SLC36A4: variants seen among roughly 807,000 people sequenced by gnomAD.
SLC36A4 encodes solute carrier family 36 member 4.
Under a neutral mutation model 50.5 loss-of-function variants are expected in SLC36A4, and 49 were observed. That is an observed-to-expected ratio of 0.97 (90% CI 0.77 to 1.23). The LOEUF is 1.23. Ranked by LOEUF, SLC36A4 falls within the 50% of genes most tolerant of loss-of-function variation. The pLI is 0.00. For missense variants in SLC36A4, 611 were observed against 608.4 expected (o/e 1.00, Z -0.05); for synonymous variants, 207 against 206.5 (o/e 1.00, Z -0.02).
intron 1 of SLC36A4, 90 bp from the exon 2 acceptor site, chr11:93,185,904 C>A: frequency 8.9e-7 from 1 of 1,118,524 alleles, no homozygotes. Flanking sequence ...TAGGAAACAC[C>A]ATTTGTACTC....
At chr11:93,156,395 G>A (rs976735432) in intron 9 of SLC36A4, among the ~76,000 whole-genome samples, 3 of 151,616 alleles carry the variant, frequency 2.0e-5, no homozygotes, top group African/African-American at 7.3e-5. Flanking sequence ...TTTGAGAAGT[G>A]TCTGTTCACG....
At position 93,166,035 on chromosome 11, in the gene SLC36A4, AAAG is replaced by A. The variant is rs773932873; in HGVS notation, c.769-22_769-20del. The A allele has an allele frequency of 2.3e-5, 36 of 1,544,104 alleles. No individual in the cohort carries two copies. The African/African-American group carries it at 4.0e-4, about 17-fold the overall frequency. On this transcript the variant is annotated intron_variant, in intron 7 of 10. Coordinates refer to ENST00000326402, the MANE Select transcript of SLC36A4 (RefSeq NM_152313.4). ...GCATGTTCTAAAGAAAGGAAGAAAA[AAAG>A]AAGACCAGTTACATCTTTACTTATT...
rs376182669 is a variant in SLC36A4 at position 93,161,269 on chromosome 11, C to A, written c.1037+1437G>T. Among the ~76,000 whole-genome samples the A allele has an allele frequency of 2.5e-3, 374 of 152,090 alleles. 4 individuals carry two copies. The highest frequency in any genetic ancestry group is 8.6e-3 in the African/African-American group (359 of 41,506). On this transcript the variant is annotated intron_variant, in intron 9 of 10. Coordinates refer to ENST00000326402, the MANE Select transcript of SLC36A4 (RefSeq NM_152313.4). The stretch of plus-strand genomic sequence containing the variant: ...ATACTAAGCTGTTTAAGCTTGAAAC[C>A]AAAAAGCACATTTGAAGGCAATAAA...
At chr11:93,170,280 A>G (rs753414296) in intron 6 of SLC36A4, 2 of 152,088 alleles carry the variant, frequency 1.3e-5, no homozygotes, top group African/African-American at 4.8e-5. Flanking sequence ...TTGAGCTCAA[A>G]TTTACTAAAA....
chr11:93,160,765 A>G, intron 9 of SLC36A4: 2 of 972,032 alleles, frequency 2.1e-6, no homozygotes, highest in Non-Finnish European at 2.4e-6. Flanking sequence ...ATTTCCATGT[A>G]CCTTTTACAT....
rs2134724320 is a variant in SLC36A4, at chr11:93,197,988, A to G, written c.-156T>C. 1 of 731,350 alleles carries G rather than the reference A, an allele frequency of 1.4e-6. No individual in the cohort carries two copies. Among genetic ancestry groups the G allele is most frequent in the Non-Finnish European group, 2.0e-6 (1 of 498,510 alleles). The allele number at this position is 731,350 out of a possible 1,614,324, so 45.3% of individuals were successfully genotyped here. On this transcript the variant is annotated 5_prime_UTR_variant, in exon 1 of 11. The change abolishes an upstream ATG in the 5' untranslated region. Transcript: ENST00000326402. ...GCTCCCCAACCGCGCGGCGAGGAGCATGCGCAGTGGGACAGCCCGGCTCGG... is the reference window on the plus strand; with the variant it reads ...GCTCCCCAACCGCGCGGCGAGGAGCGTGCGCAGTGGGACAGCCCGGCTCGG...
intron 1 of SLC36A4, among the ~76,000 whole-genome samples, chr11:93,189,048 C>A (rs1862104100): frequency 1.3e-5 from 2 of 151,718 alleles, no homozygotes; most frequent in South Asian, 4.2e-4. Context: ...ACCCTCCCTA[C>A]TCCAGCAAAG....
intron 8 of SLC36A4, among the ~76,000 whole-genome samples, chr11:93,164,795 CAACATGCCTTAATTA>C (rs1271434893): frequency 2.6e-5 from 4 of 152,062 alleles, no homozygotes; most frequent in African/African-American, 9.7e-5. Context: ...AAAGAAAAGT[CAACATGCCTTAATTA>C]TTGATTGAAA....
chr11:93,144,975 G>A lies in SLC36A4; in HGVS notation c.*3562C>T, dbSNP rs1401685008. The A allele has an allele frequency of 6.6e-6, 1 of 151,916 alleles. No homozygotes were observed. Among genetic ancestry groups the A allele is most frequent in the African/African-American group, 2.4e-5 (1 of 41,392 alleles). The allele number at this position is 151,916 out of a possible 1,614,324, so 9.4% of individuals were successfully genotyped here. A position where few individuals can be genotyped will look rare whatever the true frequency, so the allele number is the denominator to read the frequency against. Reference sequence around the variant, plus strand: ...ATAATTTTATTTATTATTTACACTAGCTCTATTTCAAATCTTCTCCTTTTA... The same window carrying A: ...ATAATTTTATTTATTATTTACACTAACTCTATTTCAAATCTTCTCCTTTTA... On this transcript the variant is annotated 3_prime_UTR_variant, in exon 11 of 11. Coordinates refer to ENST00000326402, the MANE Select transcript of SLC36A4 (RefSeq NM_152313.4).
intron 9 of SLC36A4, among the ~76,000 whole-genome samples, chr11:93,158,593 A>C (rs1407010242): frequency 6.6e-6 from 1 of 152,154 alleles, no homozygotes; most frequent in Non-Finnish European, 1.5e-5. Context: ...ATCTTTAAAA[A>C]GTGCCACAGT....
intron 8 of SLC36A4, among the ~76,000 whole-genome samples, chr11:93,163,839 T>C (rs1860743272): frequency 6.6e-6 from 1 of 152,162 alleles, no homozygotes; most frequent in South Asian, 2.1e-4. Flanking sequence ...TTTTTAAATA[T>C]TGAATTACAA....
intron 1 of SLC36A4, among the ~76,000 whole-genome samples, chr11:93,192,799 GT>G (rs1408403172): frequency 6.6e-6 from 1 of 152,126 alleles, no homozygotes; most frequent in African/African-American, 2.4e-5. Context: ...GCACTAGAGA[GT>G]TTTGGGCCTT....
chr11:93,152,809 C>T (rs927903111), intron 10 of SLC36A4: 1 of 152,120 alleles, frequency 6.6e-6, no homozygotes, highest in Admixed American at 6.6e-5. Flanking sequence ...AATTGTCTTA[C>T]ATCTATTGAT....
In SLC36A4 at chr11:93,185,810, C is replaced by T. The variant is rs776988686; in HGVS notation, c.60G>A (p.Met20Ile). 6.3e-7 allele frequency: 1 copy of T among 1,579,384 alleles called. No individual in the cohort carries two copies. The highest frequency in any genetic ancestry group is 8.5e-7 in the Non-Finnish European group (1 of 1,171,278). Reference sequence around the variant, plus strand: ...CATTTATCAAGGGCCTCATTACATCCATATCTTTAAAAAAGAAAAACAAAG... The same window carrying T: ...CATTTATCAAGGGCCTCATTACATCTATATCTTTAAAAAAGAAAAACAAAG... ...AGAARREELDMDVMRPLINEQ... is the reference protein window; with the variant it reads ...AGAARREELDIDVMRPLINEQ... The change falls in exon 2 of 11, where the codon ATG (methionine) becomes ATA (isoleucine). Residue 20 changes from methionine (M) to isoleucine (I), a missense_variant. Physicochemically the swap from Met to Ile is conservative, Grantham distance 10 (BLOSUM62 1). Transcript: ENST00000326402.
At chr11:93,160,555 T>C in intron 9 of SLC36A4, 2 of 985,392 alleles carry the variant, frequency 2.0e-6, no homozygotes, top group Non-Finnish European at 2.4e-6. Flanking sequence ...GCAGGGACAG[T>C]GTCACCCTCC....
rs1320011684 is a variant in SLC36A4 at position 93,146,782 on chromosome 11, C to T, written c.*1755G>A. 3 of 151,992 alleles carry T rather than the reference C, an allele frequency of 2.0e-5. No homozygotes were observed. Among genetic ancestry groups the T allele is most frequent in the Non-Finnish European group, 4.4e-5 (3 of 67,968 alleles). 9.4% of individuals were successfully genotyped at this position (151,992 alleles called of 1,614,324 possible). A position where few individuals can be genotyped will look rare whatever the true frequency, so the allele number is the denominator to read the frequency against. ...CTAAATTGTTTTTAAAGTCAGAAGA[C>T]AATTCTATTCTTAATAATTTTCATT... On this transcript the variant is annotated 3_prime_UTR_variant, in exon 11 of 11. Transcript: ENST00000326402.
chr11:93,174,589 A>C lies in SLC36A4; in HGVS notation c.540+6208T>G, dbSNP rs1445076865. Among the ~76,000 whole-genome samples the C allele has an allele frequency of 5.4e-5, 8 of 147,308 alleles. No homozygotes were observed. In the East Asian group the frequency reaches 1.6e-3, roughly 30 times the overall value. On this transcript the variant is annotated intron_variant, in intron 6 of 10. Coordinates refer to ENST00000326402, the MANE Select transcript of SLC36A4 (RefSeq NM_152313.4). ...GTATGATGTTGGCTGTGGGTTTGTC[A>C]TAGATAGCTCTTATTATTTTGAAAT...
chr11:93,169,342 T>G (rs1314476839), intron 6 of SLC36A4, among the ~76,000 whole-genome samples: 2 of 152,080 alleles, frequency 1.3e-5, no homozygotes, highest in Non-Finnish European at 2.9e-5. Flanking sequence ...GGTTCTAGGA[T>G]TCAAACCTAA....
intron 7 of SLC36A4, chr11:93,166,479 T>G (rs1860873039): frequency 1.1e-6 from 1 of 906,580 alleles, no homozygotes; most frequent in Non-Finnish European, 1.3e-6. Context: ...CTTTCTACCT[T>G]ATAGCTCTGC....
Sources: allele counts gnomAD v4.1 joint callset (sites outside exome capture counted in the v4.1 genomes callset), GRCh38; gene constraint gnomAD v4.1.1; transcripts MANE v1.5; gene names NCBI Gene and HGNC (gene_info 2026-07-23, HGNC 2026-07-21).